CDK6: variants seen among roughly 807,000 people sequenced by gnomAD.
CDK6 encodes the protein cyclin-dependent kinase 6.
CDK6 carries 6 observed loss-of-function variants against 37.1 expected under a neutral mutation model. The observed-to-expected ratio is 0.16, with a 90% CI of 0.09 to 0.32. CDK6 has a LOEUF of 0.32. Ranked by LOEUF, CDK6 falls within the 10% of genes least tolerant of loss-of-function variation. The pLI, the probability that CDK6 is intolerant of heterozygous loss-of-function variation, is 1.00. For synonymous variants in CDK6, 160 were observed against 161.3 expected (o/e 0.99, Z 0.06); for missense variants, 224 against 418.9 (o/e 0.53, Z 4.06).
intron 3 of CDK6, among the ~76,000 whole-genome samples, chr7:92,763,773 T>G (rs1799513727): frequency 6.6e-6 from 1 of 152,202 alleles, no homozygotes; most frequent in African/African-American, 2.4e-5. Context: ...GTAAGGGAGA[T>G]GTTTTCCATT....
At chr7:92,720,901 C>T (rs1798349888) in intron 4 of CDK6, among the ~76,000 whole-genome samples, 1 of 152,146 alleles carries the variant, frequency 6.6e-6, no homozygotes, top group African/African-American at 2.4e-5. Flanking sequence ...ACACTTTTGC[C>T]AGAGACATTA....
At chr7:92,708,226 G>A (rs995549654) in intron 4 of CDK6, among the ~76,000 whole-genome samples, 1 of 152,182 alleles carries the variant, frequency 6.6e-6, no homozygotes, top group Non-Finnish European at 1.5e-5. Context: ...TGGATGAGGT[G>A]AACCAAGAAT....
intron 2 of CDK6, among the ~76,000 whole-genome samples, chr7:92,821,994 C>A (rs1801185318): frequency 6.6e-6 from 1 of 151,874 alleles, no homozygotes; most frequent in Non-Finnish European, 1.5e-5. Context: ...CATGGACATC[C>A]CTACTTGTAA....
At chr7:92,772,430 G>C (rs977748576) in intron 3 of CDK6, among the ~76,000 whole-genome samples, 115 of 151,902 alleles carry the variant, frequency 7.6e-4, no homozygotes, top group African/African-American at 2.6e-3. Context: ...TGGATCAAGG[G>C]GTGCTGATCC....
intron 2 of CDK6, among the ~76,000 whole-genome samples, chr7:92,825,953 C>T (rs906575602): frequency 2.6e-5 from 4 of 152,084 alleles, no homozygotes; most frequent in Non-Finnish European, 4.4e-5. Context: ...TGGAGTAAGA[C>T]AAAAATGAAA....
At chr7:92,646,401 T>C (rs957203500) in intron 5 of CDK6, among the ~76,000 whole-genome samples, 2 of 151,376 alleles carry the variant, frequency 1.3e-5, no homozygotes, top group African/African-American at 4.9e-5. Flanking sequence ...CTTTTTCTTT[T>C]TCTTTTTTTT....
chr7:92,734,649 C>T (rs552194384), intron 3 of CDK6, among the ~76,000 whole-genome samples: 8 of 152,204 alleles, frequency 5.3e-5, no homozygotes, highest in African/African-American at 1.9e-4. Context: ...TCTATGAAGG[C>T]CATTAGCTTA....
chr7:92,665,218 GA>G (rs1796929549), intron 5 of CDK6, among the ~76,000 whole-genome samples: 1 of 152,092 alleles, frequency 6.6e-6, no homozygotes, highest in Admixed American at 6.5e-5. Context: ...TTAATACTGT[GA>G]ATTTATTTTG....
chr7:92,712,878 G>GTATGTATGTATGTATT (rs1343099505), intron 4 of CDK6, among the ~76,000 whole-genome samples: 100 of 128,026 alleles, frequency 7.8e-4, no homozygotes, highest in African/African-American at 2.9e-3. Flanking sequence ...ATGTATGTAT[G>GTATGTATGTATGTATT]TATTTATTTA....
intron 3 of CDK6, among the ~76,000 whole-genome samples, chr7:92,731,831 G>A (rs902164246): frequency 6.6e-6 from 1 of 151,890 alleles, no homozygotes; most frequent in Non-Finnish European, 1.5e-5. Flanking sequence ...TGACTTAAAT[G>A]AACAACATGA....
intron 4 of CDK6, among the ~76,000 whole-genome samples, chr7:92,694,746 G>A (rs1797670534): frequency 6.6e-6 from 1 of 152,038 alleles, no homozygotes; most frequent in Non-Finnish European, 1.5e-5. Context: ...CGCTTCATTA[G>A]GTAAGCATCC....
intron 6 of CDK6, among the ~76,000 whole-genome samples, chr7:92,619,091 ATAATT>A (rs539357046): frequency 8.9e-4 from 136 of 152,322 alleles, no homozygotes; most frequent in African/African-American, 3.2e-3. Context: ...ATATAAATTT[ATAATT>A]TAAAGTACAA....
At chr7:92,794,998 C>T (rs1002379947) in intron 2 of CDK6, among the ~76,000 whole-genome samples, 1 of 152,102 alleles carries the variant, frequency 6.6e-6, no homozygotes, top group Non-Finnish European at 1.5e-5. Context: ...TGGACTGCTT[C>T]CCATGGGACC....
chr7:92,778,617 T>C (rs1799906166), intron 2 of CDK6, among the ~76,000 whole-genome samples: 1 of 152,106 alleles, frequency 6.6e-6, no homozygotes, highest in Admixed American at 6.5e-5. Context: ...CTTGGACAAC[T>C]TCACTCTTTT....
At chr7:92,690,388 T>C (rs186617335) in intron 4 of CDK6, among the ~76,000 whole-genome samples, 2 of 152,234 alleles carry the variant, frequency 1.3e-5, no homozygotes, top group South Asian at 2.1e-4. Context: ...CCTTTCCTTA[T>C]TGTTTGTTTT....
rs149113053 is a variant in CDK6 at position 92,662,738 on chromosome 7, T to C, written c.647+8688A>G. On this transcript the variant is annotated intron_variant, in intron 5 of 7. Transcript: ENST00000424848. ...GTCAGTAACATTTACTCTTACTCTG[T>C]AGTGACTCTTTGCTGGAAAATCATG... Among the ~76,000 whole-genome samples the C allele has an allele frequency of 2.7e-3, 408 of 152,226 alleles. 2 individuals are homozygous for C. The highest frequency in any genetic ancestry group is 9.6e-3 in the African/African-American group (397 of 41,528).
intron 4 of CDK6, among the ~76,000 whole-genome samples, chr7:92,700,028 A>G (rs1797807254): frequency 6.6e-6 from 1 of 152,208 alleles, no homozygotes; most frequent in African/African-American, 2.4e-5. Context: ...CTATCAGCAA[A>G]TGTTATATAC....
chr7:92,691,292 T>G (rs1251842850), intron 4 of CDK6, among the ~76,000 whole-genome samples: 1 of 152,170 alleles, frequency 6.6e-6, no homozygotes, highest in Non-Finnish European at 1.5e-5. Context: ...GGAAGTATAA[T>G]AAGGCATTGA....
intron 2 of CDK6, among the ~76,000 whole-genome samples, chr7:92,794,900 T>C (rs1250160493): frequency 6.9e-6 from 1 of 144,936 alleles, no homozygotes; most frequent in Non-Finnish European, 1.5e-5. Context: ...AATAAAGATG[T>C]TGATTCTTTG....
Sources: allele counts gnomAD v4.1 joint callset (sites outside exome capture counted in the v4.1 genomes callset), GRCh38; gene constraint gnomAD v4.1.1; transcripts MANE v1.5; gene names NCBI Gene and HGNC (gene_info 2026-07-23, HGNC 2026-07-21).